AFTPH: variants seen among roughly 807,000 people sequenced by gnomAD.
The protein encoded by AFTPH is aftiphilin.
A neutral mutation model predicts 72.5 loss-of-function variants in AFTPH; 7 were observed. The ratio of observed to expected loss-of-function variants is 0.10; its 90% CI spans 0.05 to 0.18. The LOEUF (loss-of-function observed/expected upper bound fraction) is 0.18, where lower values mean the gene tolerates loss of function less well. Ranked by LOEUF, AFTPH falls within the 10% of genes least tolerant of loss-of-function variation. AFTPH has a pLI of 1.00. For synonymous variants in AFTPH, 337 were observed against 370.1 expected, an observed-to-expected ratio of 0.91 and a Z score of 1.03; for missense variants, 979 against 1,060.5, an observed-to-expected ratio of 0.92 and a Z score of 1.07.
intron 3 of AFTPH, among the ~76,000 whole-genome samples, chr2:64,568,468 G>A (rs955926205): frequency 2.0e-5 from 3 of 152,002 alleles, no homozygotes; most frequent in African/African-American, 7.3e-5. Flanking sequence ...ATTGCCTCGG[G>A]ACTTCCCTTC....
exon 2 of AFTPH, chr2:64,552,915 T>G: frequency 6.2e-7 from 1 of 1,614,120 alleles, no homozygotes; most frequent in Non-Finnish European, 8.5e-7. Flanking sequence ...CTTTGGAGAA[T>G]TTGGGGATAT....
intron 5 of AFTPH, among the ~76,000 whole-genome samples, chr2:64,572,519 CAT>C (rs1395707256): frequency 3.9e-5 from 6 of 152,250 alleles, no homozygotes; most frequent in African/African-American, 1.4e-4. Context: ...TTAGATGTGA[CAT>C]ATTGTTGTCT....
chr2:64,586,776 G>A (rs1015178045), intron 8 of AFTPH, among the ~76,000 whole-genome samples: 1 of 152,140 alleles, frequency 6.6e-6, no homozygotes, highest in Admixed American at 6.5e-5. Context: ...ATGTGGCTAT[G>A]TGGCTTTTTT....
intron 2 of AFTPH, among the ~76,000 whole-genome samples, chr2:64,556,966 T>A (rs1671415674): frequency 6.6e-6 from 1 of 152,222 alleles, no homozygotes; most frequent in Non-Finnish European, 1.5e-5. Context: ...ATTATACGAA[T>A]GAGAACGAGG....
At chr2:64,561,307 C>T (rs1001739129) in intron 2 of AFTPH, among the ~76,000 whole-genome samples, 1 of 152,210 alleles carries the variant, frequency 6.6e-6, no homozygotes, top group Non-Finnish European at 1.5e-5. Flanking sequence ...AGCCAGTCAT[C>T]AGTTTATTCC....
chr2:64,542,014 G>C (rs1670283458), intron 1 of AFTPH, among the ~76,000 whole-genome samples: 1 of 151,840 alleles, frequency 6.6e-6, no homozygotes, highest in Admixed American at 6.6e-5. Context: ...CTCCATCCTG[G>C]TCCCTATAAA....
intron 1 of AFTPH, among the ~76,000 whole-genome samples, chr2:64,548,566 A>G (rs2103914639): frequency 6.6e-6 from 1 of 152,208 alleles, no homozygotes; most frequent in Non-Finnish European, 1.5e-5. Flanking sequence ...GCATAGTACA[A>G]CCATATTGCC....
chr2:64,591,546 T>G (rs191512595), intron 8 of AFTPH, among the ~76,000 whole-genome samples: 58 of 152,352 alleles, frequency 3.8e-4, no homozygotes, highest in African/African-American at 1.4e-3. Context: ...CAGATTTATA[T>G]TTCTGTTTAG....
At chr2:64,543,419 T>C (rs534502028) in intron 1 of AFTPH, among the ~76,000 whole-genome samples, 22 of 152,358 alleles carry the variant, frequency 1.4e-4, no homozygotes, top group African/African-American at 4.8e-4. Context: ...TAATCAGTGT[T>C]TCTGTTTCTT....
chr2:64,589,412 G>T (rs1234038379), intron 8 of AFTPH, among the ~76,000 whole-genome samples: 1 of 152,048 alleles, frequency 6.6e-6, no homozygotes, highest in Non-Finnish European at 1.5e-5. Flanking sequence ...TTGATAAAAA[G>T]GATAAATCTT....
chr2:64,573,115 A>ACG, intron 6 of AFTPH, 47 bp downstream of exon 6: 5 of 1,391,786 alleles, frequency 3.6e-6, no homozygotes, highest in Non-Finnish European at 5.0e-6. Flanking sequence ...GTGTATATAC[A>ACG]CATATATCCA....
At chr2:64,539,670 G>C (rs1332054961) in intron 1 of AFTPH, among the ~76,000 whole-genome samples, 2 of 152,184 alleles carry the variant, frequency 1.3e-5, no homozygotes. Context: ...AATATATTTA[G>C]TTCCTGCTGT....
At chr2:64,564,840 CT>C (rs199615325) in intron 2 of AFTPH, among the ~76,000 whole-genome samples, 171 of 142,898 alleles carry the variant, frequency 1.2e-3, no homozygotes, top group Middle Eastern at 3.6e-3. Context: ...AATTGATACA[CT>C]TTTTTTTTTT....
exon 2 of AFTPH, chr2:64,552,393 A>G: frequency 6.2e-7 from 1 of 1,614,120 alleles, no homozygotes; most frequent in Non-Finnish European, 8.5e-7. Context: ...CATAGTGACT[A>G]ACAGAGGTTT....
At chr2:64,550,586 G>GT (rs1670968105) in intron 1 of AFTPH, among the ~76,000 whole-genome samples, 1 of 151,480 alleles carries the variant, frequency 6.6e-6, no homozygotes, top group Non-Finnish European at 1.5e-5. Context: ...ACATGAGGGA[G>GT]TTTTTTTTGT....
At chr2:64,565,444 CA>C (rs1298111428) in intron 2 of AFTPH, among the ~76,000 whole-genome samples, 4 of 139,536 alleles carry the variant, frequency 2.9e-5, no homozygotes, top group Non-Finnish European at 4.6e-5. Context: ...CACTAAACTC[CA>C]ACCTGGGTGA....
chr2:64,585,728 C>G (rs996096266), intron 8 of AFTPH, among the ~76,000 whole-genome samples, 183 bp downstream of exon 9: 6 of 152,104 alleles, frequency 3.9e-5, no homozygotes, highest in Non-Finnish European at 7.4e-5. Context: ...TTTATTAGAA[C>G]AGGATTATTT....
At chr2:64,559,332 G>T (rs1671577180) in intron 2 of AFTPH, among the ~76,000 whole-genome samples, 1 of 152,264 alleles carries the variant, frequency 6.6e-6, no homozygotes, top group East Asian at 1.9e-4. Flanking sequence ...TAGAGAGAGA[G>T]AGATTGATTA....
rs144643908 is a variant in AFTPH, at chr2:64,549,478, G to A, written c.-32-1965G>A. On this transcript the variant is annotated intron_variant, in intron 1 of 8. Coordinates refer to ENST00000238856, the Ensembl canonical transcript of AFTPH. ...TGATATTACAGATGTGCACCACCACGCCCGGCTAATTTTTTTATTTTTAGT... is the reference window on the plus strand; with the variant it reads ...TGATATTACAGATGTGCACCACCACACCCGGCTAATTTTTTTATTTTTAGT... 5.7e-3 allele frequency among the ~76,000 whole-genome samples: 849 copies of A among 148,270 alleles called. 11 individuals carry two copies. The highest frequency in any genetic ancestry group is 0.02 in the African/African-American group (816 of 41,144).
Sources: gnomAD v4.1 joint callset for allele counts (sites outside exome capture counted in the v4.1 genomes callset) on GRCh38, gnomAD v4.1.1 for gene constraint, MANE v1.5 for transcripts, NCBI Gene and HGNC (gene_info 2026-07-23, HGNC 2026-07-21) for gene names.